The following SORCS3 variants were observed in gnomAD, a reference collection of about 807,000 sequenced individuals.
SORCS3 encodes sortilin related VPS10 domain containing receptor 3.
Under a neutral mutation model 146.3 loss-of-function variants are expected in SORCS3, and 57 were observed. The observed-to-expected ratio is 0.39, with a 90% CI of 0.31 to 0.49. The LOEUF (loss-of-function observed/expected upper bound fraction) is 0.49. SORCS3 is among the 20% of genes least tolerant of loss of function. SORCS3 has a pLI of 0.92. For missense variants in SORCS3, 1,341 were observed against 1,575.5 expected (o/e 0.85, Z 2.52); for synonymous variants, 653 against 618.5 (o/e 1.06, Z -0.83).
chr10:104,826,678 G>A (rs972418931), intron 1 of SORCS3, among the ~76,000 whole-genome samples: 2 of 152,204 alleles, frequency 1.3e-5, no homozygotes, highest in East Asian at 1.9e-4. Flanking sequence ...GATCAGGTTT[G>A]TGGTTGGTGA....
chr10:104,865,617 G>A (rs527949154), intron 2 of SORCS3, among the ~76,000 whole-genome samples: 3 of 152,176 alleles, frequency 2.0e-5, no homozygotes, highest in South Asian at 2.1e-4. Context: ...TAGGTGCTTC[G>A]CTTTTATTGA....
At chr10:104,940,238 A>ATATATATATATATATATAT (rs1435205868) in intron 3 of SORCS3, among the ~76,000 whole-genome samples, 5 of 31,504 alleles carry the variant, frequency 1.6e-4, no homozygotes, top group Admixed American at 4.1e-4. Flanking sequence ...ATATATATAT[A>ATATATATATATATATATAT]TTTTTTTTTT....
At chr10:105,040,172 C>A (rs1377788814) in intron 4 of SORCS3, among the ~76,000 whole-genome samples, 1 of 152,116 alleles carries the variant, frequency 6.6e-6, no homozygotes, top group Non-Finnish European at 1.5e-5. Context: ...AAAACTTAGT[C>A]TTTGCAATAA....
intron 1 of SORCS3, among the ~76,000 whole-genome samples, chr10:104,839,878 C>A (rs528394752): frequency 1.3e-5 from 2 of 152,102 alleles, no homozygotes; most frequent in Non-Finnish European, 2.9e-5. Context: ...TCTGACCCCC[C>A]GGTGAAGGAG....
intron 4 of SORCS3, among the ~76,000 whole-genome samples, chr10:105,015,911 G>C (rs1376037770): frequency 6.6e-6 from 1 of 150,794 alleles, no homozygotes; most frequent in Non-Finnish European, 1.5e-5. Context: ...TATGTTTTTA[G>C]TAGAGATGGG....
intron 2 of SORCS3, among the ~76,000 whole-genome samples, chr10:104,859,826 C>G (rs1294780865): frequency 2.6e-5 from 4 of 150,948 alleles, no homozygotes; most frequent in Non-Finnish European, 5.9e-5. Context: ...AAATGCTCAT[C>G]ATCACTGGCC....
chr10:105,195,338 C>T (rs1007897693), intron 14 of SORCS3, among the ~76,000 whole-genome samples: 2 of 152,102 alleles, frequency 1.3e-5, no homozygotes, highest in African/African-American at 2.4e-5. Context: ...TGGGCTTTCT[C>T]TTTTCCTAAT....
intron 1 of SORCS3, among the ~76,000 whole-genome samples, chr10:104,794,622 G>GGAGAGAGA (rs371695559): frequency 6.3e-4 from 26 of 41,396 alleles, no homozygotes; most frequent in African/African-American, 1.8e-3. Context: ...AGAGAGGGAG[G>GGAGAGAGA]GAGAGAGAGA....
At chr10:104,920,751 G>C (rs143091159) in intron 3 of SORCS3, among the ~76,000 whole-genome samples, 22 of 152,270 alleles carry the variant, frequency 1.4e-4, no homozygotes, top group African/African-American at 2.2e-4. Flanking sequence ...TTCATCTAGC[G>C]GGTTTTATAA....
intron 4 of SORCS3, among the ~76,000 whole-genome samples, chr10:105,025,266 A>G (rs1265604082): frequency 6.6e-6 from 1 of 152,148 alleles, no homozygotes; most frequent in Non-Finnish European, 1.5e-5. Flanking sequence ...ACACTTTAAA[A>G]GCAACAAGCA....
intron 1 of SORCS3, among the ~76,000 whole-genome samples, chr10:104,675,321 G>C (rs1409532565): frequency 6.6e-6 from 1 of 151,978 alleles, no homozygotes; most frequent in Admixed American, 6.6e-5. Context: ...AGTTAGATTT[G>C]TAAGTTCCTT....
chr10:104,684,017 T>C, intron 1 of SORCS3, among the ~76,000 whole-genome samples: 1 of 152,198 alleles, frequency 6.6e-6, no homozygotes, highest in Non-Finnish European at 1.5e-5. Context: ...TACATTTACA[T>C]GCTATCACCT....
At position 105,139,459 on chromosome 10, in the gene SORCS3, A is replaced by C. The variant is rs1292625856; in HGVS notation, c.1275A>C (p.Ile425=). The change falls in exon 8 of 27, where the codon ATA becomes ATC. Residue 425 remains isoleucine (I), a synonymous_variant. Transcript: ENST00000369701. ...VSYRREAFAQ[I]KLPKYSLPKD... Reference sequence around the variant, plus strand: ...ATCGAAGAGAGGCCTTTGCTCAGATAAAGCTGCCTAAGTACTCGTTGCCAA... The same window carrying C: ...ATCGAAGAGAGGCCTTTGCTCAGATCAAGCTGCCTAAGTACTCGTTGCCAA... 1 of 1,613,616 alleles carries C rather than the reference A, an allele frequency of 6.2e-7. No individual in the cohort carries two copies. Among genetic ancestry groups the C allele is most frequent in the East Asian group, 2.2e-5 (1 of 44,860 alleles).
intron 1 of SORCS3, among the ~76,000 whole-genome samples, chr10:104,784,228 GACTTTT>G (rs1357779386): frequency 5.9e-5 from 9 of 152,194 alleles, no homozygotes; most frequent in African/African-American, 1.7e-4. Context: ...TCCCCCAGGG[GACTTTT>G]GGCAAAGTCT....
chr10:104,702,119 G>A (rs2016286486), intron 1 of SORCS3, among the ~76,000 whole-genome samples: 1 of 152,120 alleles, frequency 6.6e-6, no homozygotes, highest in Non-Finnish European at 1.5e-5. Context: ...TTGGCTCATG[G>A]GCAGTAGTGT....
At chr10:105,228,033 G>GTA (rs1483551525) in intron 20 of SORCS3, among the ~76,000 whole-genome samples, 1 of 124,212 alleles carries the variant, frequency 8.1e-6, no homozygotes, top group East Asian at 2.1e-4. Flanking sequence ...GTGTGTGTGT[G>GTA]TATGTGTGTT....
chr10:104,723,710 A>C (rs1023841701), intron 1 of SORCS3, among the ~76,000 whole-genome samples: 7 of 152,188 alleles, frequency 4.6e-5, no homozygotes, highest in Admixed American at 6.5e-5. Context: ...TTCTTGTTGA[A>C]TTGATCCCTT....
chr10:105,075,331 A>G (rs2055582118), intron 5 of SORCS3, among the ~76,000 whole-genome samples: 1 of 152,158 alleles, frequency 6.6e-6, no homozygotes, highest in African/African-American at 2.4e-5. Context: ...AATGGGAGCA[A>G]TGATGTCTAC....
chr10:104,972,302 CAG>C (rs1312139096), intron 3 of SORCS3, among the ~76,000 whole-genome samples: 4 of 152,114 alleles, frequency 2.6e-5, no homozygotes, highest in Non-Finnish European at 4.4e-5. Flanking sequence ...ACAATATTAA[CAG>C]AGAACTGTTG....
Sources: allele counts gnomAD v4.1 joint callset (sites outside exome capture counted in the v4.1 genomes callset), GRCh38; gene constraint gnomAD v4.1.1; transcripts MANE v1.5; gene names NCBI Gene and HGNC (gene_info 2026-07-23, HGNC 2026-07-21).